Variants in MED9 observed in about 807,000 individuals in gnomAD.
The protein encoded by MED9 is mediator of RNA polymerase II transcription subunit 9.
A neutral mutation model predicts 13.2 loss-of-function variants in MED9; 8 were observed. That is an observed-to-expected ratio of 0.61 (90% CI 0.36 to 1.10). The LOEUF (loss-of-function observed/expected upper bound fraction) is 1.10. Ranked by LOEUF, MED9 falls within the 50% of genes least tolerant of loss-of-function variation. MED9 has a pLI of 0.02. For synonymous variants in MED9, 87 were observed against 82.8 expected (o/e 1.05, Z -0.28); for missense variants, 180 against 193.4 (o/e 0.93, Z 0.41).
intron 1 of MED9, among the ~76,000 whole-genome samples, chr17:17,480,367 A>G (rs1326278610): frequency 3.3e-5 from 5 of 151,874 alleles, no homozygotes. Context: ...AGCCTAGTCA[A>G]TTAATTCTGA....
intron 1 of MED9, among the ~76,000 whole-genome samples, chr17:17,481,674 T>C (rs1314612238): frequency 1.3e-5 from 2 of 152,242 alleles, no homozygotes; most frequent in African/African-American, 4.8e-5. Flanking sequence ...ATCTTGTGGA[T>C]GCAGCATAAC....
Position 17,483,705 on chromosome 17 carries a change from G to A in MED9, c.224+6440G>A, listed in dbSNP as rs1250700452. Among the ~76,000 whole-genome samples, 2 of 152,132 alleles carry A rather than the reference G, an allele frequency of 1.3e-5. No homozygotes were observed. Among genetic ancestry groups the A allele is most frequent in the Non-Finnish European group, 2.9e-5 (2 of 68,036 alleles). The stretch of plus-strand genomic sequence containing the variant: ...TGTAATCCCAGCACTTTGGGAGGCC[G>A]AGGCGGGTGGATCACGAGGTCAGGA... On this transcript the variant is annotated intron_variant, in intron 1 of 1. Coordinates refer to ENST00000268711, the MANE Select transcript of MED9 (RefSeq NM_018019.3). This position sits in a 1 kb window ranked among gnomAD's most constrained non-coding sequence, Gnocchi z 4.2.
At chr17:17,479,159 C>T (rs1439517720) in intron 1 of MED9, among the ~76,000 whole-genome samples, 1 of 152,220 alleles carries the variant, frequency 6.6e-6, no homozygotes, top group African/African-American at 2.4e-5. Flanking sequence ...GTAAGTTATA[C>T]TAGAGAGAAC....
chr17:17,479,349 T>A (rs1343481300), intron 1 of MED9, among the ~76,000 whole-genome samples: 1 of 152,268 alleles, frequency 6.6e-6, no homozygotes, highest in East Asian at 1.9e-4. Context: ...GCTGACTGGG[T>A]GACCTTGGCA....
intron 1 of MED9, among the ~76,000 whole-genome samples, chr17:17,481,169 G>A (rs1905027147): frequency 6.6e-6 from 1 of 152,184 alleles, no homozygotes; most frequent in Non-Finnish European, 1.5e-5. Context: ...CAGGCTGGAA[G>A]CCAGTCAAGA....
Position 17,491,593 on chromosome 17 carries a change from A to G in MED9, c.*98A>G. 2 of 1,174,702 alleles carry G rather than the reference A, an allele frequency of 1.7e-6. 1 individual carries two copies. Among genetic ancestry groups the G allele is most frequent in the Non-Finnish European group, 2.5e-6 (2 of 814,504 alleles). The allele number at this position is 1,174,702 out of a possible 1,614,324, so 72.8% of individuals were successfully genotyped here. A position where few individuals can be genotyped will look rare whatever the true frequency, so the allele number is the denominator to read the frequency against. On this transcript the variant is annotated 3_prime_UTR_variant, in exon 2 of 2. Coordinates refer to ENST00000268711, the MANE Select transcript of MED9 (RefSeq NM_018019.3). ...TTGGGGCGTGGTTCCTGTGGACCCC[A>G]GCTCAGCTCGTCAAGCTGCAGGGGC...
At chr17:17,479,917 CT>C (rs1905001760) in intron 1 of MED9, among the ~76,000 whole-genome samples, 1 of 152,184 alleles carries the variant, frequency 6.6e-6, no homozygotes, top group African/African-American at 2.4e-5. Context: ...TAACCATGGC[CT>C]ATCCCCAGAT....
intron 1 of MED9, among the ~76,000 whole-genome samples, chr17:17,481,024 T>C (rs1174804895): frequency 6.6e-6 from 1 of 152,196 alleles, no homozygotes; most frequent in African/African-American, 2.4e-5. Flanking sequence ...AAATAGCATC[T>C]ACTCATGGGA....
intron 1 of MED9, among the ~76,000 whole-genome samples, chr17:17,479,508 A>C (rs1359968091): frequency 7.8e-6 from 1 of 128,342 alleles, no homozygotes; most frequent in Non-Finnish European, 1.7e-5. Flanking sequence ...AAAAGGACAG[A>C]GAAGGGAGTT....
chr17:17,489,532 T>A (rs559673181), intron 1 of MED9, among the ~76,000 whole-genome samples: 1 of 152,234 alleles, frequency 6.6e-6, no homozygotes, highest in Non-Finnish European at 1.5e-5. Context: ...GGACTTAAAT[T>A]CGTAACGGTA....
rs1329911500 is a variant in MED9, at chr17:17,492,051, C to T, written c.*556C>T. The T allele has an allele frequency of 6.3e-6, 1 of 158,920 alleles. No homozygotes were observed. Among genetic ancestry groups the T allele is most frequent in the African/African-American group, 2.4e-5 (1 of 41,514 alleles). The allele number at this position is 158,920 out of a possible 1,614,324, so 9.8% of individuals were successfully genotyped here. ...ATGTTTTGAAAGGCCAGAGGGTGGCCTTTTTCCCCAAACAGTTTGGTTCCT... is the reference window on the plus strand; with the variant it reads ...ATGTTTTGAAAGGCCAGAGGGTGGCTTTTTTCCCCAAACAGTTTGGTTCCT... On this transcript the variant is annotated 3_prime_UTR_variant, in exon 2 of 2. Transcript: ENST00000268711.
rs1108740 is a variant in MED9, at chr17:17,491,601, T to C, written c.*106T>C. The C allele has an allele frequency of 1.8e-6, 2 of 1,103,278 alleles. No homozygotes were observed. Among genetic ancestry groups the C allele is most frequent in the South Asian group, 2.7e-5 (2 of 72,944 alleles). The allele number at this position is 1,103,278 out of a possible 1,614,324, so 68.3% of individuals were successfully genotyped here. The stretch of plus-strand genomic sequence containing the variant: ...TGGTTCCTGTGGACCCCAGCTCAGC[T>C]CGTCAAGCTGCAGGGGCGGGGCTCC... On this transcript the variant is annotated 3_prime_UTR_variant, in exon 2 of 2. Coordinates refer to ENST00000268711, the MANE Select transcript of MED9 (RefSeq NM_018019.3).
intron 1 of MED9, among the ~76,000 whole-genome samples, chr17:17,488,851 A>T (rs1905184090): frequency 6.6e-6 from 1 of 151,992 alleles, no homozygotes; most frequent in South Asian, 2.1e-4. Flanking sequence ...AAAGAAAAAA[A>T]GAAACCACAG....
At chr17:17,485,765 T>G (rs2142473954) in intron 1 of MED9, 1 of 165,708 alleles carries the variant, frequency 6.0e-6, no homozygotes, top group East Asian at 1.6e-4. Context: ...GTGTCGAGGG[T>G]TCGGGAGTGG....
At chr17:17,490,662 C>G (rs543956034) in intron 1 of MED9, among the ~76,000 whole-genome samples, 1 of 152,260 alleles carries the variant, frequency 6.6e-6, no homozygotes, top group East Asian at 1.9e-4. Context: ...TAAATCAGTT[C>G]CATTTTAACT....
chr17:17,489,602 C>T (rs1905195072), intron 1 of MED9, among the ~76,000 whole-genome samples: 1 of 152,218 alleles, frequency 6.6e-6, no homozygotes, highest in South Asian at 2.1e-4. Flanking sequence ...TTTCTGTCCA[C>T]ATTTGTGGAT....
chr17:17,489,897 G>A (rs1010873323), intron 1 of MED9, among the ~76,000 whole-genome samples: 1 of 152,188 alleles, frequency 6.6e-6, no homozygotes, highest in African/African-American at 2.4e-5. Flanking sequence ...CTGATGGATC[G>A]CCAGGAAAGA....
chr17:17,491,773 G>C lies in MED9; in HGVS notation c.*278G>C, dbSNP rs1325693284. On this transcript the variant is annotated 3_prime_UTR_variant, in exon 2 of 2. Coordinates refer to ENST00000268711, the MANE Select transcript of MED9 (RefSeq NM_018019.3). ...CAGAATGCTCCTGGAGGCTGCAGAGGGGGTGGAGGACTCTCCCCTGCCTCT... is the reference window on the plus strand; with the variant it reads ...CAGAATGCTCCTGGAGGCTGCAGAGCGGGTGGAGGACTCTCCCCTGCCTCT... 5 of 434,126 alleles carry C rather than the reference G, an allele frequency of 1.2e-5. No homozygotes were observed. Among genetic ancestry groups the C allele is most frequent in the African/African-American group, 4.2e-5 (2 of 48,142 alleles). The allele number at this position is 434,126 out of a possible 1,614,324, so 26.9% of individuals were successfully genotyped here. A position where few individuals can be genotyped will look rare whatever the true frequency, so the allele number is the denominator to read the frequency against.
Position 17,477,050 on chromosome 17 carries a change from T to C in MED9, c.9T>C (p.Ser3=), listed in dbSNP as rs958197524. Residue 3 remains serine, a synonymous_variant, in exon 1 of 2, where the codon TCT becomes TCC. Coordinates refer to ENST00000268711, the MANE Select transcript of MED9 (RefSeq NM_018019.3). ...AACCTACCCCCGGAGCCATGGCCTCTGCTGGGGTGGCAGCCGGGCGACAGG... is the reference window on the plus strand; with the variant it reads ...AACCTACCCCCGGAGCCATGGCCTCCGCTGGGGTGGCAGCCGGGCGACAGG... MA[S]AGVAAGRQAE... is the part of the protein sequence containing the mutation. The C allele has an allele frequency of 2.5e-6, 4 of 1,606,052 alleles. No homozygotes were observed. The highest frequency in any genetic ancestry group is 1.7e-5 in the Admixed American group (1 of 59,984).
Sources: allele counts gnomAD v4.1 joint callset (sites outside exome capture counted in the v4.1 genomes callset), GRCh38; gene constraint gnomAD v4.1.1; non-coding constraint Gnocchi (gnomAD v3.1); transcripts MANE v1.5; gene names NCBI Gene and HGNC (gene_info 2026-07-23, HGNC 2026-07-21).